The following NF1 variants were observed in gnomAD, a reference collection of about 807,000 sequenced individuals.
NF1 encodes the protein neurofibromin 1.
A neutral mutation model predicts 325.7 loss-of-function variants in NF1; 122 were observed. The ratio of observed to expected loss-of-function variants is 0.37; its 90% CI spans 0.32 to 0.44. NF1 has a LOEUF of 0.44. Ranked by LOEUF, NF1 falls within the 20% of genes least tolerant of loss-of-function variation. NF1 has a pLI of 1.00. For synonymous variants in NF1, 1,091 were observed against 1,186.0 expected (o/e 0.92, Z 1.65); for missense variants, 2,140 against 3,415.4 (o/e 0.63, Z 9.31).
intron 29 of NF1, among the ~76,000 whole-genome samples, chr17:31,241,211 T>C: frequency 6.6e-6 from 1 of 152,088 alleles, no homozygotes; most frequent in East Asian, 1.9e-4. Flanking sequence ...TTATTTTCAG[T>C]CTGTGTTTTT....
intron 3 of NF1, among the ~76,000 whole-genome samples, chr17:31,160,434 A>G (rs904002139): frequency 2.6e-5 from 4 of 152,160 alleles, no homozygotes; most frequent in Non-Finnish European, 4.4e-5. Context: ...ACCATATTCC[A>G]AAATTGTGGA....
At chr17:31,250,986 A>G in intron 30 of NF1, 1 of 193,632 alleles carries the variant, frequency 5.2e-6, no homozygotes. Flanking sequence ...TGAAGAGCAG[A>G]GACAGCATGC....
At chr17:31,349,551 C>T (rs769228010) in intron 49 of NF1, among the ~76,000 whole-genome samples, 3 of 152,202 alleles carry the variant, frequency 2.0e-5, no homozygotes, top group Non-Finnish European at 4.4e-5. Context: ...ACCCTGGGTC[C>T]TTAAATAGCC....
At chr17:31,193,489 T>A (rs557420126) in intron 8 of NF1, among the ~76,000 whole-genome samples, 2 of 152,282 alleles carry the variant, frequency 1.3e-5, no homozygotes, top group East Asian at 1.9e-4. Context: ...TACCATATTT[T>A]AAATTCCATA....
intron 11 of NF1, among the ~76,000 whole-genome samples, chr17:31,203,731 A>G (rs1255310094): frequency 6.6e-6 from 1 of 152,080 alleles, no homozygotes; most frequent in Non-Finnish European, 1.5e-5. Context: ...GGTTCAATGT[A>G]CCTCATAAGT....
chr17:31,124,146 TA>T (rs1237654740), intron 1 of NF1, among the ~76,000 whole-genome samples: 5 of 152,284 alleles, frequency 3.3e-5, no homozygotes, highest in East Asian at 1.9e-4. Flanking sequence ...TTTGTGTTCA[TA>T]AAAAAATTAC....
At chr17:31,258,076 C>A (rs967663006) in intron 31 of NF1, among the ~76,000 whole-genome samples, 1 of 152,040 alleles carries the variant, frequency 6.6e-6, no homozygotes, top group African/African-American at 2.4e-5. Flanking sequence ...CAGTGAAGAT[C>A]TTTTTTCAGG....
chr17:31,302,830 G>T (rs974232570), intron 36 of NF1, among the ~76,000 whole-genome samples: 1 of 152,196 alleles, frequency 6.6e-6, no homozygotes, highest in African/African-American at 2.4e-5. Flanking sequence ...GGGCGACAGA[G>T]TGAGACTCTG....
At chr17:31,262,973 A>T (rs192155593) in intron 35 of NF1, among the ~76,000 whole-genome samples, 2 of 152,168 alleles carry the variant, frequency 1.3e-5, no homozygotes. Flanking sequence ...GCTGGAGGCC[A>T]GGAGTTCAAG....
chr17:31,295,456 CAG>C, intron 36 of NF1: 2 of 1,614,090 alleles, frequency 1.2e-6, no homozygotes, highest in Non-Finnish European at 1.7e-6. Flanking sequence ...TTACCACACT[CAG>C]AGAGTTAATG....
chr17:31,193,482 C>T (rs918101143), intron 8 of NF1, among the ~76,000 whole-genome samples: 1 of 152,088 alleles, frequency 6.6e-6, no homozygotes, highest in African/African-American at 2.4e-5. Flanking sequence ...TTGAATGTAC[C>T]ATATTTTAAA....
chr17:31,303,842 A>C (rs780925531), intron 36 of NF1: 66 of 153,296 alleles, frequency 4.3e-4, no homozygotes, highest in Non-Finnish European at 8.4e-4. Context: ...TTGAGGTATT[A>C]ATTTAAAACT....
At chr17:31,175,107 C>CAAAAAA (rs1171161386) in intron 5 of NF1, among the ~76,000 whole-genome samples, 15 of 28,994 alleles carry the variant, frequency 5.2e-4, no homozygotes, top group South Asian at 2.6e-3. Context: ...GACTCCATCT[C>CAAAAAA]AAAAAAAAAA....
At chr17:31,310,940 C>CTTT (rs77429998) in intron 36 of NF1, among the ~76,000 whole-genome samples, 1 of 130,888 alleles carries the variant, frequency 7.6e-6, no homozygotes, top group Non-Finnish European at 1.7e-5. Context: ...AAGACATGTT[C>CTTT]TTTTTTTTTT....
Position 31,260,382 on chromosome 17 carries a change from A to C in NF1, c.4444A>C (p.Ile1482Leu). ...GCATTTTTGAAGGTTTTTCCTTGAT[A>C]TAGCATCTGATTGTCCTACAAGTGA... ...FDAARRFFLD[I>L]ASDCPTSDAV... Residue 1482 changes from isoleucine to leucine, a missense_variant, in exon 34 of 58, where the codon ATA becomes CTA. Physicochemically the swap from Ile to Leu is conservative, Grantham distance 5. Coordinates refer to ENST00000358273, the MANE Select transcript of NF1 (RefSeq NM_001042492.3). 6.2e-7 allele frequency: 1 copy of C among 1,613,930 alleles called. No homozygotes were observed.
intron 2 of NF1, among the ~76,000 whole-genome samples, chr17:31,158,242 C>T (rs1226141132): frequency 1.3e-5 from 2 of 152,142 alleles, no homozygotes; most frequent in African/African-American, 2.4e-5. Flanking sequence ...ACACAATACC[C>T]TAAACTTACA....
In NF1 at chr17:31,336,929, A is replaced by G. The variant is rs2151555249; in HGVS notation, c.6427+15A>G. On this transcript the variant is annotated intron_variant, in intron 42 of 57. Transcript: ENST00000358273. The surrounding 1 kb of genome is among the most constrained non-coding windows in gnomAD (Gnocchi z 5.5). ...TCATTTTAGTGGTAAGTTCTAGGAA[A>G]GGAATTTGTGTTTACCAGTTCCTTT... The G allele has an allele frequency of 1.2e-6, 2 of 1,605,684 alleles. No individual in the cohort carries two copies. The highest frequency in any genetic ancestry group is 8.5e-7 in the Non-Finnish European group (1 of 1,179,688).
chr17:31,372,415 T>A (rs2070660368), intron 57 of NF1, among the ~76,000 whole-genome samples: 2 of 133,204 alleles, frequency 1.5e-5, no homozygotes, highest in Admixed American at 1.5e-4. Flanking sequence ...CAGCAGTAAG[T>A]ATAATCAGTC....
At chr17:31,109,584 G>C (rs1913228857) in intron 1 of NF1, among the ~76,000 whole-genome samples, 1 of 151,904 alleles carries the variant, frequency 6.6e-6, no homozygotes, top group South Asian at 2.1e-4. Flanking sequence ...GTGTTTCACT[G>C]TGTTGTCCAG....
Sources: gnomAD v4.1 joint callset for allele counts (sites outside exome capture counted in the v4.1 genomes callset) on GRCh38, gnomAD v4.1.1 for gene constraint, Gnocchi (gnomAD v3.1) non-coding constraint, MANE v1.5 for transcripts, NCBI Gene and HGNC (gene_info 2026-07-23, HGNC 2026-07-21) for gene names.